The following GGA2 variants were observed in gnomAD, a reference collection of about 807,000 sequenced individuals.
GGA2 encodes ADP-ribosylation factor-binding protein GGA2.
Under a neutral mutation model 79.5 loss-of-function variants are expected in GGA2, and 48 were observed. The ratio of observed to expected loss-of-function variants is 0.60; its 90% CI spans 0.48 to 0.77. The LOEUF (loss-of-function observed/expected upper bound fraction) is 0.77, where lower values mean the gene tolerates loss of function less well. GGA2 is among the 30% of genes least tolerant of loss of function. GGA2 has a pLI of 0.00. For synonymous variants in GGA2, 317 were observed against 302.0 expected (o/e 1.05, Z -0.51); for missense variants, 770 against 774.0 (o/e 0.99, Z 0.06).
At chr16:23,518,497 G>A (rs535776267) in intron 2 of GGA2, among the ~76,000 whole-genome samples, 3 of 152,176 alleles carry the variant, frequency 2.0e-5, no homozygotes, top group East Asian at 1.9e-4. Context: ...ACAGGAGTAA[G>A]CCACCACACC....
rs1964424759 is a variant in GGA2, at chr16:23,465,531, G to A, written c.*2059C>T. On this transcript the variant is annotated 3_prime_UTR_variant, in exon 17 of 17. Transcript: ENST00000309859. ...TCACCTCCTAACTATAGGGGAGAAAGCCTGTCTTTATGTATAAGTCTCATT... is the reference window on the plus strand; with the variant it reads ...TCACCTCCTAACTATAGGGGAGAAAACCTGTCTTTATGTATAAGTCTCATT... The A allele has an allele frequency of 3.1e-6, 2 of 649,820 alleles. No individual in the cohort carries two copies. 40.3% of individuals were successfully genotyped at this position (649,820 alleles called of 1,614,324 possible).
Position 23,470,048 on chromosome 16 carries a change from C to T in GGA2, c.1568G>A (p.Ser523Asn), listed in dbSNP as rs1964490174. The T allele has an allele frequency of 3.1e-6, 5 of 1,603,660 alleles. No homozygotes were observed. The highest frequency in any genetic ancestry group is 4.3e-6 in the Non-Finnish European group (5 of 1,175,280). The change falls in exon 15 of 17, where the codon AGC becomes AAC. Residue 523 changes from serine (S) to asparagine (N), a missense_variant. Transcript: ENST00000309859. ...EVQVLLLTMM[S>N]TAPQPVWDIM... ...ATCCCAGACAGGCTGGGGAGCCGTG[C>T]TCATCATGGTCAAGAGCAGCACCTG...
intron 1 of GGA2, among the ~76,000 whole-genome samples, chr16:23,506,315 C>T (rs1383338129): frequency 6.6e-6 from 1 of 152,170 alleles, no homozygotes; most frequent in Non-Finnish European, 1.5e-5. Context: ...CCATCCCCAA[C>T]AAATCTGACT....
intron 1 of GGA2, among the ~76,000 whole-genome samples, chr16:23,503,110 C>G (rs1480348833): frequency 6.6e-6 from 1 of 152,196 alleles, no homozygotes; most frequent in East Asian, 1.9e-4. Context: ...GTTACCTTTC[C>G]TTTCCTTTTA....
chr16:23,483,627 G>A (rs1265927187), intron 8 of GGA2, among the ~76,000 whole-genome samples: 2 of 152,078 alleles, frequency 1.3e-5, no homozygotes, highest in Non-Finnish European at 2.9e-5. Context: ...ACAGGCTGTG[G>A]TTTCTTTTTG....
At chr16:23,502,146 T>C (rs1422097350) in intron 1 of GGA2, among the ~76,000 whole-genome samples, 4 of 152,196 alleles carry the variant, frequency 2.6e-5, no homozygotes, top group African/African-American at 9.7e-5. Context: ...ACTGAATGCA[T>C]GATGGCCCAA....
chr16:23,520,810 A>G (rs984108656), intron 1 of GGA2, among the ~76,000 whole-genome samples: 2 of 152,088 alleles, frequency 1.3e-5, no homozygotes, highest in African/African-American at 2.4e-5. Context: ...TCTTGTTGAG[A>G]CAGAGTGTCG....
intron 13 of GGA2, among the ~76,000 whole-genome samples, chr16:23,478,000 C>T (rs1054499776): frequency 6.6e-5 from 10 of 151,440 alleles, no homozygotes; most frequent in African/African-American, 1.9e-4. Flanking sequence ...TGAGACCAGC[C>T]TGGCCAACAT....
chr16:23,481,998 G>A (rs1964654744), intron 9 of GGA2, among the ~76,000 whole-genome samples: 1 of 152,104 alleles, frequency 6.6e-6, no homozygotes, highest in South Asian at 2.1e-4. Context: ...CGGGGATCGT[G>A]GCTCACGCCT....
intron 14 of GGA2, 62 bp downstream of exon 14, chr16:23,474,842 C>G: frequency 8.0e-7 from 1 of 1,250,446 alleles, no homozygotes; most frequent in Non-Finnish European, 1.2e-6. Context: ...GTGGAAAAAG[C>G]TGGGAGTCTA....
upstream of GGA2, among the ~76,000 whole-genome samples, chr16:23,512,044 A>C (rs191040810): frequency 6.6e-6 from 1 of 152,224 alleles, no homozygotes; most frequent in Admixed American, 6.5e-5. Context: ...TGTGCTGTCT[A>C]GACAACACAT....
At chr16:23,497,695 A>G (rs1424322790) in intron 1 of GGA2, among the ~76,000 whole-genome samples, 1 of 152,052 alleles carries the variant, frequency 6.6e-6, no homozygotes, top group Non-Finnish European at 1.5e-5. Flanking sequence ...TGACCTTTTT[A>G]TCTCCCGTCC....
In GGA2 at chr16:23,470,032, A is replaced by G. The variant is rs1285465298; in HGVS notation, c.1584T>C (p.Pro528=). 1.3e-6 allele frequency: 2 copies of G among 1,587,632 alleles called. No homozygotes were observed. Among genetic ancestry groups the G allele is most frequent in the Non-Finnish European group, 1.7e-6 (2 of 1,167,314 alleles). The change falls in exon 15 of 17, where the codon CCT becomes CCC. Residue 528 remains proline, a synonymous_variant. Transcript: ENST00000309859. Reference sequence around the variant, plus strand: ...CCACTTGAAACATGATATCCCAGACAGGCTGGGGAGCCGTGCTCATCATGG... The same window carrying G: ...CCACTTGAAACATGATATCCCAGACGGGCTGGGGAGCCGTGCTCATCATGG... The part of the protein sequence containing the change: ...LLTMMSTAPQ[P]VWDIMFQVAV...
intron 1 of GGA2, among the ~76,000 whole-genome samples, chr16:23,507,192 C>T (rs1458405641): frequency 6.6e-6 from 1 of 152,160 alleles, no homozygotes; most frequent in Non-Finnish European, 1.5e-5. Context: ...CCAAAGTAGG[C>T]ACCAACTTCT....
intron 1 of GGA2, among the ~76,000 whole-genome samples, chr16:23,508,477 C>T (rs1410042530): frequency 6.6e-6 from 1 of 152,118 alleles, no homozygotes; most frequent in Non-Finnish European, 1.5e-5. Flanking sequence ...GGTTGGTTAC[C>T]AAATTCAAAG....
In GGA2 at chr16:23,470,040, GAGCCGTGCTCATCATGGTCAAGAGC is replaced by G; in HGVS notation, c.1551_1575del (p.Leu518ProfsTer17). 1 of 1,599,334 alleles carries G rather than the reference GAGCCGTGCTCATCATGGTCAAGAGC, an allele frequency of 6.3e-7. No individual in the cohort carries two copies. Among genetic ancestry groups the G allele is most frequent in the Non-Finnish European group, 8.5e-7 (1 of 1,173,070 alleles). On this transcript the variant is annotated frameshift_variant, in exon 15 of 17. Coordinates refer to ENST00000309859, the MANE Select transcript of GGA2 (RefSeq NM_015044.4). LOFTEE classifies it high-confidence loss of function. The stretch of plus-strand genomic sequence containing the variant: ...AACATGATATCCCAGACAGGCTGGG[GAGCCGTGCTCATCATGGTCAAGAGC>G]AGCACCTGTACCTCTGGGTGCCCAG...
chr16:23,491,911 T>C (rs942720470), intron 4 of GGA2, 111 bp from the exon 5 acceptor site: 31 of 692,292 alleles, frequency 4.5e-5, no homozygotes, highest in South Asian at 3.4e-5. Flanking sequence ...CCAGGCGCGG[T>C]ATGAGTGTGA....
chr16:23,513,805 G>GAAAAA (rs71379687), upstream of GGA2, among the ~76,000 whole-genome samples: 3 of 141,980 alleles, frequency 2.1e-5, no homozygotes, highest in Admixed American at 7.5e-5. Context: ...AAAAAAGAAA[G>GAAAAA]AAAAAAAGAA....
In GGA2 at chr16:23,464,241, T is replaced by C. The variant is rs535209788; in HGVS notation, c.*3349A>G. 6.6e-6 allele frequency: 1 copy of C among 152,306 alleles called. No homozygotes were observed. The highest frequency in any genetic ancestry group is 1.5e-5 in the Non-Finnish European group (1 of 68,040). 9.4% of individuals were successfully genotyped at this position (152,306 alleles called of 1,614,324 possible). A position where few individuals can be genotyped will look rare whatever the true frequency, so the allele number is the denominator to read the frequency against. ...GAGTGGCTCACAGATAAGGAAACAT[T>C]TTTGCCCAGTCTTAAGTTCATGGAA... On this transcript the variant is annotated 3_prime_UTR_variant, in exon 17 of 17. Transcript: ENST00000309859.
Sources: allele counts gnomAD v4.1 joint callset (sites outside exome capture counted in the v4.1 genomes callset), GRCh38; gene constraint gnomAD v4.1.1; transcripts MANE v1.5; gene names NCBI Gene and HGNC (gene_info 2026-07-23, HGNC 2026-07-21).